Variants in RTTN observed in about 807,000 individuals in gnomAD.
The protein encoded by RTTN is rotatin.
Under a neutral mutation model 269.2 loss-of-function variants are expected in RTTN, and 182 were observed. That is an observed-to-expected ratio of 0.68 (90% CI 0.60 to 0.76). RTTN has a LOEUF of 0.76. RTTN is among the 30% of genes least tolerant of loss of function. The pLI is 0.00. For synonymous variants in RTTN, 1,006 were observed against 963.5 expected, an observed-to-expected ratio of 1.04 and a Z score of -0.82; for missense variants, 2,545 against 2,608.6, an observed-to-expected ratio of 0.98 and a Z score of 0.53.
chr18:70,063,325 G>A (rs533678021), intron 35 of RTTN, among the ~76,000 whole-genome samples: 1 of 152,284 alleles, frequency 6.6e-6, no homozygotes, highest in Non-Finnish European at 1.5e-5. Flanking sequence ...GTATTAATTT[G>A]TATAATATTT....
intron 43 of RTTN, among the ~76,000 whole-genome samples, chr18:70,026,722 T>A (rs952374602): frequency 1.3e-5 from 2 of 152,288 alleles, no homozygotes; most frequent in East Asian, 3.9e-4. Flanking sequence ...CTCTTAAATG[T>A]TCCTGTTTTC....
At chr18:70,116,403 C>A (rs2059603758) in intron 26 of RTTN, among the ~76,000 whole-genome samples, 1 of 152,018 alleles carries the variant, frequency 6.6e-6, no homozygotes, top group Admixed American at 6.6e-5. Flanking sequence ...CTTGCTTCCA[C>A]TTGAAGATTA....
rs766183356 is a variant in RTTN, at chr18:70,163,069, T to TTAAAAAAAAAAAAA, written c.1929+2992_1929+2993insTTTTTTTTTTTTTA. 3.5e-5 allele frequency among the ~76,000 whole-genome samples: 2 copies of TTAAAAAAAAAAAAA among 56,968 alleles called. 1 individual carries two copies. The highest frequency in any genetic ancestry group is 1.3e-3 in the East Asian group (2 of 1,544). The allele number at this position is 56,968 out of a possible 152,430, so 37.4% of individuals were successfully genotyped here. On this transcript the variant is annotated intron_variant, in intron 14 of 48. Transcript: ENST00000640769. ...CACCCATTAGGATGGTTACTATTAT[T>TTAAAAAAAAAAAAA]AAAAAAAAAAAAAAAAAAAAAAAAA...
At chr18:70,051,194 CT>C (rs2057656112) in intron 39 of RTTN, among the ~76,000 whole-genome samples, 1 of 152,294 alleles carries the variant, frequency 6.6e-6, no homozygotes, top group African/African-American at 2.4e-5. Flanking sequence ...TCCTAACTCG[CT>C]TTTATGTTAT....
chr18:70,060,559 G>A (rs368180540), intron 35 of RTTN, among the ~76,000 whole-genome samples: 3 of 152,016 alleles, frequency 2.0e-5, no homozygotes, highest in South Asian at 2.1e-4. Flanking sequence ...CTCAAATCAA[G>A]GTAACTGGGA....
intron 26 of RTTN, among the ~76,000 whole-genome samples, chr18:70,114,847 T>A (rs552220031): frequency 6.6e-6 from 1 of 152,018 alleles, no homozygotes; most frequent in African/African-American, 2.4e-5. Context: ...CACATAATCA[T>A]GCCACACAGA....
intron 23 of RTTN, chr18:70,128,850 C>T (rs1327176751): frequency 8.5e-6 from 2 of 234,618 alleles, no homozygotes; most frequent in Non-Finnish European, 1.7e-5. Flanking sequence ...ATACAGTGAA[C>T]CAAACATAAA....
chr18:70,110,630 C>G (rs1039394900), intron 27 of RTTN, among the ~76,000 whole-genome samples: 1 of 152,174 alleles, frequency 6.6e-6, no homozygotes, highest in Admixed American at 6.5e-5. Flanking sequence ...ACTGGGCGGC[C>G]ATTTGGGCAG....
chr18:70,075,593 C>G (rs747209254), intron 32 of RTTN, 52 bp from the exon 33 acceptor site: 1 of 1,407,994 alleles, frequency 7.1e-7, no homozygotes, highest in Non-Finnish European at 9.5e-7. Context: ...CCAACAATTT[C>G]CTTAAAAAGA....
intron 11 of RTTN, 39 bp downstream of exon 11, chr18:70,176,636 A>C: frequency 6.4e-7 from 1 of 1,566,436 alleles, no homozygotes; most frequent in Non-Finnish European, 8.7e-7. Context: ...TATTTATAAT[A>C]GTCTGTAAAG....
chr18:70,079,418 G>A (rs1417625919), intron 32 of RTTN, among the ~76,000 whole-genome samples: 1 of 152,020 alleles, frequency 6.6e-6, no homozygotes, highest in Non-Finnish European at 1.5e-5. Flanking sequence ...CCAAGCCCAG[G>A]ATATGCACAA....
chr18:70,139,708 T>G lies in RTTN; in HGVS notation c.2679A>C (p.Glu893Asp), dbSNP rs1433739481. Residue 893 changes from glutamate (E) to aspartate (D), a missense_variant, in exon 21 of 49, where the codon GAA (glutamate) becomes GAC (aspartate). Physicochemically the swap from Glu to Asp is conservative, Grantham distance 45 (BLOSUM62 2). Transcript: ENST00000640769. ...GTGTGAGGCATGGTTGTACCAAACA[T>G]TCTACAACCTGGGCCAGGAGGAAAA... Reference protein sequence around the residue: ...ECVSQDGKVVECLVQPCLTLL... With the variant: ...ECVSQDGKVVDCLVQPCLTLL... 2 of 1,603,772 alleles carry G rather than the reference T, an allele frequency of 1.2e-6. No homozygotes were observed. The highest frequency in any genetic ancestry group is 1.7e-6 in the Non-Finnish European group (2 of 1,171,398).
At chr18:70,102,297 T>C (rs2059190682) in intron 28 of RTTN, among the ~76,000 whole-genome samples, 1 of 152,252 alleles carries the variant, frequency 6.6e-6, no homozygotes, top group African/African-American at 2.4e-5. Flanking sequence ...TAGTTAGCTC[T>C]TCTTCTTGAA....
intron 25 of RTTN, among the ~76,000 whole-genome samples, chr18:70,124,538 AG>A (rs1404957126): frequency 2.0e-5 from 3 of 152,132 alleles, no homozygotes; most frequent in East Asian, 3.8e-4. Context: ...ACTATGTAAA[AG>A]CAAGGATGTA....
At chr18:70,015,412 C>T (rs773238553) in intron 46 of RTTN, among the ~76,000 whole-genome samples, 4 of 152,152 alleles carry the variant, frequency 2.6e-5, no homozygotes, top group African/African-American at 4.8e-5. Flanking sequence ...CACTCCACTC[C>T]TGACCATTTA....
chr18:70,048,980 A>G (rs1040228933), intron 39 of RTTN, among the ~76,000 whole-genome samples: 1 of 152,226 alleles, frequency 6.6e-6, no homozygotes, highest in Admixed American at 6.5e-5. Context: ...TTTGATTAGT[A>G]CTATTATTAC....
intron 11 of RTTN, among the ~76,000 whole-genome samples, chr18:70,171,194 T>C (rs2061133942): frequency 6.6e-6 from 1 of 152,336 alleles, no homozygotes; most frequent in East Asian, 1.9e-4. Context: ...AAATGGGATA[T>C]ATTTCATGAG....
At chr18:70,074,259 G>C (rs775946484) in intron 33 of RTTN, among the ~76,000 whole-genome samples, 1 of 151,964 alleles carries the variant, frequency 6.6e-6, no homozygotes. Flanking sequence ...GGTCAGAGTG[G>C]AAGCCCTGAG....
Position 70,190,735 on chromosome 18 carries a change from A to C in RTTN, c.1008-16T>G. ...ACTACTTCCACTGCAAGATAAACAA[A>C]TGATAAACCTTGCATACAGAAACAA... On this transcript the variant is annotated splice_polypyrimidine_tract_variant and intron_variant, in intron 8 of 48. Transcript: ENST00000640769. 1 of 1,575,090 alleles carries C rather than the reference A, an allele frequency of 6.3e-7. No individual in the cohort carries two copies. The highest frequency in any genetic ancestry group is 1.1e-5 in the South Asian group (1 of 88,786).
Sources: allele counts gnomAD v4.1 joint callset (sites outside exome capture counted in the v4.1 genomes callset), GRCh38; gene constraint gnomAD v4.1.1; transcripts MANE v1.5; gene names NCBI Gene and HGNC (gene_info 2026-07-23, HGNC 2026-07-21).